The following HYCC1 variants were observed in gnomAD, a reference collection of about 807,000 sequenced individuals.
HYCC1 encodes the protein hyccin PI4KA lipid kinase complex subunit 1, also known as hyccin.
At chr7:22,984,835 C>G in the HYCC1 span, among the ~76,000 whole-genome samples, 10 of 152,258 alleles carry the variant, frequency 6.6e-5, no homozygotes, top group South Asian at 2.1e-3. Context: ...ATCCACACTA[C>G]CAACAAACGA....
chr7:22,991,006 C>A, the HYCC1 span: 1 of 1,203,180 alleles, frequency 8.3e-7, no homozygotes, highest in Non-Finnish European at 1.2e-6. Flanking sequence ...GGAATTTAAA[C>A]GCCAGACAAA....
the HYCC1 span, among the ~76,000 whole-genome samples, chr7:22,899,784 CA>C: frequency 9.9e-4 from 150 of 152,144 alleles, no homozygotes; most frequent in African/African-American, 3.5e-3. Flanking sequence ...TTGTTTATGA[CA>C]ACTACCTTCT....
the HYCC1 span, chr7:22,960,515 A>C: frequency 2.0e-3 from 1,875 of 946,104 alleles, 47 homozygotes; most frequent in South Asian, 0.024. Context: ...GCTTATACAA[A>C]GAGGCTCTTC....
the HYCC1 span, among the ~76,000 whole-genome samples, chr7:22,927,360 CA>C: frequency 7.7e-5 from 11 of 142,996 alleles, no homozygotes; most frequent in East Asian, 2.1e-3. Flanking sequence ...AATAGAGACA[CA>C]AAAAAGCCTT....
chr7:22,938,543 T>C, the HYCC1 span: 2 of 152,214 alleles, frequency 1.3e-5, no homozygotes, highest in African/African-American at 4.8e-5. Flanking sequence ...AACAAGGATT[T>C]TTTAAAAGGC....
At chr7:22,931,890 T>G in the HYCC1 span, among the ~76,000 whole-genome samples, 3 of 152,162 alleles carry the variant, frequency 2.0e-5, no homozygotes, top group Non-Finnish European at 2.9e-5. Context: ...GCAAGCAAAG[T>G]GTGGAAGATG....
the HYCC1 span, among the ~76,000 whole-genome samples, chr7:23,013,626 G>C: frequency 6.6e-6 from 1 of 152,124 alleles, no homozygotes; most frequent in Non-Finnish European, 1.5e-5. Context: ...GGAAAGACCC[G>C]AGTCGCGCGC....
the HYCC1 span, chr7:22,984,035 T>C: frequency 1.9e-6 from 3 of 1,574,958 alleles, no homozygotes; most frequent in Non-Finnish European, 2.6e-6. Flanking sequence ...TAAAGATGTT[T>C]CTGGTAATGT....
At chr7:22,908,546 T>A in the HYCC1 span, among the ~76,000 whole-genome samples, 1 of 152,320 alleles carries the variant, frequency 6.6e-6, no homozygotes, top group South Asian at 2.1e-4. Flanking sequence ...TTGATCTACA[T>A]CTTCTGTTAC....
the HYCC1 span, among the ~76,000 whole-genome samples, chr7:22,975,407 G>A: frequency 1.3e-5 from 2 of 151,844 alleles, no homozygotes; most frequent in African/African-American, 4.8e-5. Context: ...TTTTAAATCA[G>A]GATTTTTAAA....
At chr7:22,946,932 G>T in the HYCC1 span, 1 of 1,532,834 alleles carries the variant, frequency 6.5e-7, no homozygotes, top group Admixed American at 2.0e-5. Context: ...ATGCATCAGT[G>T]GCCCTTTGCC....
At chr7:22,981,145 GTTAT>G in the HYCC1 span, among the ~76,000 whole-genome samples, 1 of 152,072 alleles carries the variant, frequency 6.6e-6, no homozygotes, top group Admixed American at 6.6e-5. Context: ...TATATGTTTA[GTTAT>G]TTGTTTAATG....
chr7:23,012,215 A>G, the HYCC1 span, among the ~76,000 whole-genome samples: 12 of 152,244 alleles, frequency 7.9e-5, no homozygotes, highest in African/African-American at 2.4e-4. Flanking sequence ...CCATTATAAA[A>G]TAAATATTAG....
At chr7:22,994,029 A>G in the HYCC1 span, among the ~76,000 whole-genome samples, 1 of 152,136 alleles carries the variant, frequency 6.6e-6, no homozygotes, top group Admixed American at 6.6e-5. Context: ...TACCCGGGCT[A>G]GAGTGTAATG....
chr7:22,939,879 C>A, the HYCC1 span: 1 of 152,172 alleles, frequency 6.6e-6, no homozygotes, highest in Non-Finnish European at 1.5e-5. Flanking sequence ...TTTAATTACA[C>A]ATATTAGCTA....
At chr7:22,920,696 A>C in the HYCC1 span, among the ~76,000 whole-genome samples, 1 of 152,332 alleles carries the variant, frequency 6.6e-6, no homozygotes, top group African/African-American at 2.4e-5. Context: ...GTATGGGTAA[A>C]GGTAAAAATA....
chr7:22,917,009 G>T, the HYCC1 span, among the ~76,000 whole-genome samples: 2 of 152,146 alleles, frequency 1.3e-5, no homozygotes, highest in Admixed American at 1.3e-4. Flanking sequence ...CTCTTCTCAA[G>T]GTCGCTTTAC....
chr7:22,913,451 C>T, the HYCC1 span, among the ~76,000 whole-genome samples: 855 of 152,280 alleles, frequency 5.6e-3, 63 homozygotes, highest in East Asian at 0.15. Context: ...GAGTCATACC[C>T]GGCACAGTAG....
chr7:22,962,343 A>G, the HYCC1 span, among the ~76,000 whole-genome samples: 1 of 152,182 alleles, frequency 6.6e-6, no homozygotes, highest in South Asian at 2.1e-4. Flanking sequence ...GCTCTTCGCC[A>G]TAAATCTCCT....
Sources: gnomAD v4.1 joint callset for allele counts (sites outside exome capture counted in the v4.1 genomes callset) on GRCh38, gnomAD v4.1.1 for gene constraint, MANE v1.5 for transcripts, NCBI Gene and HGNC (gene_info 2026-07-23, HGNC 2026-07-21) for gene names.